ZMIZ1: variants seen among roughly 807,000 people sequenced by gnomAD.
ZMIZ1 encodes the protein zinc finger MIZ domain-containing protein 1.
A neutral mutation model predicts 113.9 loss-of-function variants in ZMIZ1; 17 were observed. The ratio of observed to expected loss-of-function variants is 0.15; its 90% confidence interval spans 0.10 to 0.22. ZMIZ1 has a LOEUF of 0.22. Ranked by LOEUF, ZMIZ1 falls within the 10% of genes least tolerant of loss-of-function variation. ZMIZ1 has a pLI of 1.00. For synonymous variants in ZMIZ1, 607 were observed against 603.1 expected (o/e 1.01, Z -0.09); for missense variants, 1,059 against 1,477.8 (o/e 0.72, Z 4.65).
At chr10:79,220,099 G>A (rs1017915672) in intron 7 of ZMIZ1, among the ~76,000 whole-genome samples, 2 of 152,178 alleles carry the variant, frequency 1.3e-5, no homozygotes, top group African/African-American at 2.4e-5. Flanking sequence ...TGGCACCGGC[G>A]CCAGGCCTCC....
chr10:79,158,402 G>A lies in ZMIZ1; in HGVS notation c.-130-3651G>A, dbSNP rs116342574. 6.4e-3 allele frequency among the ~76,000 whole-genome samples: 976 copies of A among 152,322 alleles called. 9 individuals are homozygous for A. Among genetic ancestry groups the A allele is most frequent in the African/African-American group, 0.022 (929 of 41,566 alleles). ...GCGGTCGGCCCCTGCTTAGAGAGGAGCTGGGGGCTTAGAGAAGCCTAGTGA... is the reference window on the plus strand; with the variant it reads ...GCGGTCGGCCCCTGCTTAGAGAGGAACTGGGGGCTTAGAGAAGCCTAGTGA... On this transcript the variant is annotated intron_variant, in intron 3 of 24. Transcript: ENST00000334512.
intron 6 of ZMIZ1, among the ~76,000 whole-genome samples, chr10:79,209,811 C>T (rs940330126): frequency 3.3e-5 from 5 of 152,260 alleles, no homozygotes; most frequent in Non-Finnish European, 7.3e-5. Context: ...TAACTGACTT[C>T]CCAAGGGCGC....
chr10:79,091,110 C>G (rs1340312500), intron 1 of ZMIZ1, among the ~76,000 whole-genome samples: 3 of 152,202 alleles, frequency 2.0e-5, no homozygotes, highest in Non-Finnish European at 4.4e-5. Context: ...CCAGCATCTT[C>G]TAGGGGAGGG....
At chr10:79,287,574 A>G (rs1001523648) in intron 8 of ZMIZ1, among the ~76,000 whole-genome samples, 7 of 152,258 alleles carry the variant, frequency 4.6e-5, no homozygotes, top group Non-Finnish European at 8.8e-5. Flanking sequence ...CACGATAAAT[A>G]CACATACGAC....
chr10:79,081,167 A>C (rs753976027), intron 1 of ZMIZ1, among the ~76,000 whole-genome samples: 12 of 143,200 alleles, frequency 8.4e-5, no homozygotes, highest in Non-Finnish European at 1.6e-4. Context: ...TTCTCTTCTC[A>C]GGACCTTGCA....
At chr10:79,208,511 C>A in intron 6 of ZMIZ1, 62 bp downstream of exon 6, 3 of 1,414,028 alleles carry the variant, frequency 2.1e-6, no homozygotes, top group Non-Finnish European at 2.9e-6. Flanking sequence ...TGCTAGCGTG[C>A]CTGTCCAGGT....
At chr10:79,273,938 T>G (rs1852103461) in intron 7 of ZMIZ1, among the ~76,000 whole-genome samples, 1 of 152,238 alleles carries the variant, frequency 6.6e-6, no homozygotes, top group Admixed American at 6.5e-5. Context: ...GGCAGTCACA[T>G]GTACTGGCCA....
chr10:79,302,272 T>C, intron 18 of ZMIZ1, 60 bp downstream of exon 18: 1 of 1,529,866 alleles, frequency 6.5e-7, no homozygotes, highest in Non-Finnish European at 9.0e-7. Flanking sequence ...AGTTTGGGAC[T>C]GAGAAGCAGT....
rs1855286261 is a variant in ZMIZ1, at chr10:79,312,838, G to A, written c.*89G>A. On this transcript the variant is annotated 3_prime_UTR_variant, in exon 25 of 25. Transcript: ENST00000334512. ...TTCCACCTGGGAGCCTGTGCCCTCA[G>A]ACCGCCCCGCACCAGAGCCACGGGC... The A allele has an allele frequency of 3.8e-6, 5 of 1,305,328 alleles. No homozygotes were observed. Among genetic ancestry groups the A allele is most frequent in the South Asian group, 1.2e-5 (1 of 81,154 alleles). 80.9% of individuals were successfully genotyped at this position (1,305,328 alleles called of 1,614,324 possible). A position where few individuals can be genotyped will look rare whatever the true frequency, so the allele number is the denominator to read the frequency against.
intron 1 of ZMIZ1, among the ~76,000 whole-genome samples, chr10:79,116,437 G>T (rs1162244906): frequency 6.6e-6 from 1 of 152,166 alleles, no homozygotes; most frequent in African/African-American, 2.4e-5. Context: ...GGACACCCAG[G>T]CAAGGCCTGG....
rs1467676687 is a variant in ZMIZ1, at chr10:79,118,559, G to C, written c.-336-356G>C. Among the ~76,000 whole-genome samples the C allele has an allele frequency of 1.3e-5, 2 of 152,194 alleles. No individual in the cohort carries two copies. Among genetic ancestry groups the C allele is most frequent in the African/African-American group, 4.8e-5 (2 of 41,454 alleles). On this transcript the variant is annotated intron_variant, in intron 1 of 24. Transcript: ENST00000334512. The surrounding 1 kb of genome is among the most constrained non-coding windows in gnomAD (Gnocchi z 4.1). ...CCCTTGAAAGACAGAGAAGTGGGGA[G>C]AAGAGCTCTGAGCGGGGCACCCAGC... is the stretch of plus-strand genomic sequence containing the variant.
At position 79,306,160 on chromosome 10, in the gene ZMIZ1, G is replaced by A; in HGVS notation, c.2484G>A (p.Lys828=). ...GCAGCTGGCGGCCGGTGCCCATCAA[G>A]TCGGACTTACACATCAAGGACGACC... ...PTCSWRPVPI[K]SDLHIKDDPD... The change falls in exon 22 of 25, where the codon AAG becomes AAA. Residue 828 remains lysine, a synonymous_variant. Transcript: ENST00000334512. 2 of 1,614,066 alleles carry A rather than the reference G, an allele frequency of 1.2e-6. No individual in the cohort carries two copies. The highest frequency in any genetic ancestry group is 2.2e-5 in the East Asian group (1 of 44,878).
chr10:79,258,862 G>GA (rs957497667), intron 7 of ZMIZ1, among the ~76,000 whole-genome samples: 3 of 152,230 alleles, frequency 2.0e-5, no homozygotes, highest in African/African-American at 7.2e-5. Context: ...ATGACTGACT[G>GA]AACATGGTCT....
chr10:79,074,673 A>C (rs1225602994), intron 1 of ZMIZ1, among the ~76,000 whole-genome samples: 2 of 152,178 alleles, frequency 1.3e-5, no homozygotes, highest in Non-Finnish European at 2.9e-5. Context: ...TCCCCAGGCT[A>C]TGTGGGGCAC....
intron 7 of ZMIZ1, among the ~76,000 whole-genome samples, chr10:79,272,938 C>G (rs922904357): frequency 2.0e-5 from 3 of 152,206 alleles, no homozygotes; most frequent in African/African-American, 7.2e-5. Context: ...GCCCCAAGGT[C>G]CTCGGCACCA....
At chr10:79,258,665 C>T (rs1394395845) in intron 7 of ZMIZ1, among the ~76,000 whole-genome samples, 2 of 152,242 alleles carry the variant, frequency 1.3e-5, no homozygotes, top group Non-Finnish European at 2.9e-5. Flanking sequence ...CTGTGCCCAT[C>T]AGTGCAACAT....
At chr10:79,097,486 T>C (rs775145858) in intron 1 of ZMIZ1, among the ~76,000 whole-genome samples, 1 of 152,184 alleles carries the variant, frequency 6.6e-6, no homozygotes, top group Non-Finnish European at 1.5e-5. Context: ...TTTATTTACT[T>C]TGGGCCTTGC....
chr10:79,245,673 C>T (rs895667114), intron 7 of ZMIZ1, among the ~76,000 whole-genome samples: 3 of 152,204 alleles, frequency 2.0e-5, no homozygotes, highest in East Asian at 1.9e-4. Context: ...CACAGAGGTT[C>T]TGCGGAAGTC....
rs759960363 is a variant in ZMIZ1, at chr10:79,069,703, CTG to C, written c.-337+441_-337+442del. ...TCTGGGGAGATGCGAAGTTGTGCGC[CTG>C]TGTGTGTACAGGAACCGCTGGGGAA... On this transcript the variant is annotated intron_variant, in intron 1 of 24. Transcript: ENST00000334512. This position sits in a 1 kb window ranked among gnomAD's most constrained non-coding sequence, Gnocchi z 4.6. Among the ~76,000 whole-genome samples, 16 of 152,156 alleles carry C rather than the reference CTG, an allele frequency of 1.1e-4. No homozygotes were observed. The highest frequency in any genetic ancestry group is 2.2e-4 in the Non-Finnish European group (15 of 68,010).
Sources: gnomAD v4.1 joint callset for allele counts (sites outside exome capture counted in the v4.1 genomes callset) on GRCh38, gnomAD v4.1.1 for gene constraint, Gnocchi (gnomAD v3.1) non-coding constraint, MANE v1.5 for transcripts, NCBI Gene and HGNC (gene_info 2026-07-23, HGNC 2026-07-21) for gene names.